Variants in SEMA3A observed in about 807,000 individuals in gnomAD.
SEMA3A encodes semaphorin-3A.
A neutral mutation model predicts 97.9 loss-of-function variants in SEMA3A; 29 were observed. That is an observed-to-expected ratio of 0.30 (90% CI 0.22 to 0.40). The LOEUF is 0.40. Ranked by LOEUF, SEMA3A falls within the 10% of genes least tolerant of loss-of-function variation. SEMA3A has a pLI of 1.00. For synonymous variants in SEMA3A, 321 were observed against 323.7 expected (o/e 0.99, Z 0.09); for missense variants, 763 against 951.3 (o/e 0.80, Z 2.60).
chr7:84,389,652 GATTC>G (rs1212665013), intron 1 of SEMA3A, among the ~76,000 whole-genome samples: 1 of 151,984 alleles, frequency 6.6e-6, no homozygotes, highest in Non-Finnish European at 1.5e-5. Flanking sequence ...TACAATACAG[GATTC>G]ATTGTTTTAA....
intron 3 of SEMA3A, among the ~76,000 whole-genome samples, chr7:84,241,460 G>T (rs1473737149): frequency 6.6e-6 from 1 of 151,906 alleles, no homozygotes; most frequent in Non-Finnish European, 1.5e-5. Flanking sequence ...TTGTTTATTT[G>T]TTTCTTGTAA....
rs764858876 is a variant in SEMA3A, at chr7:83,981,342, C to T, written c.1631G>A (p.Arg544His). The stretch of plus-strand genomic sequence containing the variant: ...CTACCTCTTTGCAGTGGGAAAATAG[C>T]GAGAACATGCAGAACCATCCCAAGC... ...YCAWDGSACS[R>H]YFPTAKRRTR... Residue 544 changes from arginine to histidine, a missense_variant, in exon 14 of 17, where the codon CGC (arginine) becomes CAC (histidine). By Grantham distance (29) the Arg-to-His change is conservative (BLOSUM62 0). Around this residue, in one of 2 missense-constraint regions of SEMA3A, gnomAD observed 678 missense variants for 881.3 expected, o/e 0.77. Coordinates refer to ENST00000265362, the MANE Select transcript of SEMA3A (RefSeq NM_006080.3). The T allele has an allele frequency of 9.3e-6, 15 of 1,613,724 alleles. No homozygotes were observed. The highest frequency in any genetic ancestry group is 4.4e-5 in the South Asian group (4 of 91,058).
At chr7:83,966,607 G>A (rs576673635) in intron 15 of SEMA3A, among the ~76,000 whole-genome samples, 2 of 152,258 alleles carry the variant, frequency 1.3e-5, no homozygotes, top group South Asian at 2.1e-4. Flanking sequence ...TATCAATCAC[G>A]ATCAAGATAC....
chr7:84,381,940 T>A (rs1334539914), intron 1 of SEMA3A, among the ~76,000 whole-genome samples: 1 of 152,098 alleles, frequency 6.6e-6, no homozygotes, highest in Non-Finnish European at 1.5e-5. Context: ...TACTTAAGTA[T>A]GCATGTAAAA....
chr7:84,024,165 T>C (rs527738964), intron 6 of SEMA3A, among the ~76,000 whole-genome samples: 4 of 152,296 alleles, frequency 2.6e-5, no homozygotes, highest in East Asian at 1.9e-4. Context: ...ACTGTACTTA[T>C]ATAAAAACTG....
At chr7:84,080,713 A>C (rs550775385) in intron 4 of SEMA3A, among the ~76,000 whole-genome samples, 2,606 of 17,256 alleles carry the variant, frequency 0.15, 1,217 homozygotes, top group Non-Finnish European at 0.17. Flanking sequence ...CTGGGACTAC[A>C]GGCGCCCGCC....
chr7:84,221,009 T>C (rs2116336567), intron 3 of SEMA3A, among the ~76,000 whole-genome samples: 1 of 152,286 alleles, frequency 6.6e-6, no homozygotes, highest in South Asian at 2.1e-4. Flanking sequence ...CTTCTTCCAA[T>C]AGAAAGCTGT....
At chr7:83,989,421 C>T (rs1789789299) in intron 12 of SEMA3A, among the ~76,000 whole-genome samples, 1 of 148,840 alleles carries the variant, frequency 6.7e-6, no homozygotes, top group South Asian at 2.2e-4. Context: ...CACCCACTAA[C>T]TCGTCATCTA....
At chr7:84,165,453 A>C (rs1330610831) in intron 1 of SEMA3A, among the ~76,000 whole-genome samples, 2 of 152,100 alleles carry the variant, frequency 1.3e-5, no homozygotes, top group South Asian at 2.1e-4. Context: ...TTGAGTACTT[A>C]ATATGTTGGA....
chr7:84,166,231 T>C (rs1298669092), intron 1 of SEMA3A, among the ~76,000 whole-genome samples: 1 of 151,312 alleles, frequency 6.6e-6, no homozygotes, highest in Non-Finnish European at 1.5e-5. Context: ...TTAGCAATGA[T>C]TGCACTGCTG....
intron 1 of SEMA3A, among the ~76,000 whole-genome samples, chr7:84,161,372 A>G (rs1314170337): frequency 6.6e-6 from 1 of 152,164 alleles, no homozygotes; most frequent in African/African-American, 2.4e-5. Flanking sequence ...CTCAAAAAAA[A>G]AAGAATTTTA....
chr7:84,214,755 G>C (rs992586761), intron 3 of SEMA3A, among the ~76,000 whole-genome samples: 1 of 148,140 alleles, frequency 6.8e-6, no homozygotes, highest in African/African-American at 2.5e-5. Flanking sequence ...CTGGAGTGCA[G>C]TGGTGTGATT....
chr7:84,279,311 T>C (rs1307580443), intron 3 of SEMA3A, among the ~76,000 whole-genome samples: 2 of 152,092 alleles, frequency 1.3e-5, no homozygotes, highest in African/African-American at 4.8e-5. Context: ...TACTATATAC[T>C]AACTAATAGG....
chr7:84,376,440 A>G (rs1803101579), intron 1 of SEMA3A, among the ~76,000 whole-genome samples: 1 of 138,798 alleles, frequency 7.2e-6, no homozygotes. Context: ...GTCTCTACTA[A>G]AAAACACAAA....
rs58929555 is a variant in SEMA3A, at chr7:84,300,032, C to CAA, written c.-83+7173_-83+7174dup. 6.2e-4 allele frequency among the ~76,000 whole-genome samples: 33 copies of CAA among 53,266 alleles called. 1 individual carries two copies. The highest frequency in any genetic ancestry group is 1.0e-3 in the African/African-American group (15 of 14,346). 34.9% of individuals were successfully genotyped at this position (53,266 alleles called of 152,430 possible). A position where few individuals can be genotyped will look rare whatever the true frequency, so the allele number is the denominator to read the frequency against. ...GGGTGACAAGAGTGAGACTCAGTCA[C>CAA]AAAAAAAAAAAAAAAAAAAGAAAGA... is the stretch of plus-strand genomic sequence containing the variant. On this transcript the variant is annotated intron_variant, in intron 3 of 3. Coordinates refer to the SEMA3A transcript ENST00000424555.
chr7:84,283,126 G>A (rs542904769), intron 3 of SEMA3A, among the ~76,000 whole-genome samples: 25 of 152,176 alleles, frequency 1.6e-4, no homozygotes, highest in African/African-American at 5.8e-4. Flanking sequence ...AATTGTGTGT[G>A]TGTGTGTTTG....
intron 3 of SEMA3A, among the ~76,000 whole-genome samples, chr7:84,225,509 C>T (rs2116344691): frequency 6.6e-6 from 1 of 152,208 alleles, no homozygotes; most frequent in South Asian, 2.1e-4. Context: ...TGGAATATCT[C>T]TTTCACAAGC....
At chr7:84,163,477 T>C (rs1797106983) in intron 1 of SEMA3A, among the ~76,000 whole-genome samples, 1 of 152,156 alleles carries the variant, frequency 6.6e-6, no homozygotes, top group Non-Finnish European at 1.5e-5. Context: ...AAAGTCAAAA[T>C]GATAAACTCT....
At chr7:84,326,705 A>G (rs1312909601) in intron 2 of SEMA3A, among the ~76,000 whole-genome samples, 1 of 152,070 alleles carries the variant, frequency 6.6e-6, no homozygotes, top group Non-Finnish European at 1.5e-5. Flanking sequence ...TTGTCTGACA[A>G]AAACAAACAA....
Sources: allele counts gnomAD v4.1 joint callset (sites outside exome capture counted in the v4.1 genomes callset), GRCh38; gene constraint gnomAD v4.1.1; regional missense constraint gnomAD v4.1.1; transcripts MANE v1.5; gene names NCBI Gene and HGNC (gene_info 2026-07-23, HGNC 2026-07-21).